The following OTUB2 variants were observed in gnomAD, a reference collection of about 807,000 sequenced individuals.
OTUB2 encodes OTU deubiquitinase, ubiquitin aldehyde binding 2, also known as ubiquitin thioesterase OTUB2.
In OTUB2, 21 loss-of-function variants were observed where a neutral mutation model predicts 25.1. The observed-to-expected ratio is 0.84, with a 90% CI of 0.59 to 1.21. The LOEUF is 1.21. Among genes scored for constraint, OTUB2 ranks in the 50% most tolerant of loss-of-function variants. The probability of loss-of-function intolerance (pLI) is 0.00; values close to 1 mark genes in which losing one functional copy is unlikely to be tolerated. For synonymous variants in OTUB2, 122 were observed against 122.8 expected (o/e 0.99, Z 0.04); for missense variants, 283 against 298.0 (o/e 0.95, Z 0.37).
chr14:94,040,023 GC>G (rs889863248), intron 3 of OTUB2, among the ~76,000 whole-genome samples: 3 of 152,008 alleles, frequency 2.0e-5, no homozygotes, highest in Non-Finnish European at 2.9e-5. Flanking sequence ...AGCATCCCTG[GC>G]CCCCTACCCG....
chr14:94,033,930 GA>G (rs1885006414), intron 1 of OTUB2, among the ~76,000 whole-genome samples: 3 of 152,302 alleles, frequency 2.0e-5, no homozygotes, highest in South Asian at 4.1e-4. Flanking sequence ...ATTTAGAATA[GA>G]CCAAAACATG....
In OTUB2 at chr14:94,039,077, T is replaced by G. The variant is rs756853522; in HGVS notation, c.214T>G (p.Phe72Val). 13 of 1,613,402 alleles carry G rather than the reference T, an allele frequency of 8.1e-6. No individual in the cohort carries two copies. The highest frequency in any genetic ancestry group is 1.7e-6 in the Non-Finnish European group (2 of 1,179,564). Residue 72 changes from phenylalanine to valine, a missense_variant, in exon 3 of 6, where the codon TTC (phenylalanine) becomes GTC (valine). Coordinates refer to ENST00000203664, the MANE Select transcript of OTUB2 (RefSeq NM_023112.4). ...ESLLGKSREI[F>V]KFKERVLQTP... ...CCTGCTGGGGAAGAGCAGGGAGATC[T>G]TCAAGTGAGTGCCGGGGCCCCTTGG...
chr14:94,045,584 T>A, intron 5 of OTUB2, 132 bp from the exon 6 acceptor site: 1 of 841,178 alleles, frequency 1.2e-6, no homozygotes, highest in South Asian at 1.7e-5. Context: ...CATACCCAAC[T>A]CATGGGATGT....
rs192379409 is a variant in OTUB2 at position 94,027,710 on chromosome 14, G to A, written c.3+1170G>A. On this transcript the variant is annotated intron_variant, in intron 1 of 5. Coordinates refer to ENST00000203664, the MANE Select transcript of OTUB2 (RefSeq NM_023112.4). ...CAGCATGCTGCCGGGCTGGGGCATG[G>A]GTCAAAGCCTGGTCATGGCCTGGCA... Among the ~76,000 whole-genome samples the A allele has an allele frequency of 7.2e-5, 11 of 152,354 alleles. No homozygotes were observed. The East Asian group carries it at 2.1e-3, about 29-fold the overall frequency.
intron 3 of OTUB2, among the ~76,000 whole-genome samples, chr14:94,042,921 G>A (rs1885191082): frequency 6.6e-6 from 1 of 152,306 alleles, no homozygotes; most frequent in South Asian, 2.1e-4. Flanking sequence ...AGGGGACTGC[G>A]GCTAGAAGCC....
chr14:94,026,532 G>C lies in OTUB2; in HGVS notation c.-6G>C. On this transcript the variant is annotated 5_prime_UTR_variant, in exon 1 of 6. Coordinates refer to ENST00000203664, the MANE Select transcript of OTUB2 (RefSeq NM_023112.4). The stretch of plus-strand genomic sequence containing the variant: ...GGCGGGACCTGGCCTGGCGGCTCTG[G>C]TCACTATGGTCAGTGATCGTGGGGG... 7.9e-7 allele frequency: 1 copy of C among 1,263,522 alleles called. No individual in the cohort carries two copies. The allele number at this position is 1,263,522 out of a possible 1,614,324, so 78.3% of individuals were successfully genotyped here.
At chr14:94,032,775 G>T (rs1261537708) in intron 1 of OTUB2, among the ~76,000 whole-genome samples, 1 of 152,184 alleles carries the variant, frequency 6.6e-6, no homozygotes, top group East Asian at 1.9e-4. Flanking sequence ...GGGCATGGGG[G>T]CATGGAGGAA....
intron 1 of OTUB2, among the ~76,000 whole-genome samples, chr14:94,031,929 G>T (rs1884969787): frequency 6.6e-6 from 1 of 152,182 alleles, no homozygotes; most frequent in African/African-American, 2.4e-5. Context: ...TAACATCCTA[G>T]AAATTTTCAG....
intron 1 of OTUB2, among the ~76,000 whole-genome samples, chr14:94,027,593 CAG>C: frequency 6.6e-6 from 1 of 152,264 alleles, no homozygotes. Context: ...CCTGTGACAA[CAG>C]AGTCCTGGAA....
chr14:94,026,419 C>A lies in OTUB2; in HGVS notation c.-119C>A. 7.8e-7 allele frequency: 1 copy of A among 1,288,912 alleles called. No individual in the cohort carries two copies. Among genetic ancestry groups the A allele is most frequent in the South Asian group, 2.3e-5 (1 of 43,528 alleles). 79.8% of individuals were successfully genotyped at this position (1,288,912 alleles called of 1,614,324 possible). A position where few individuals can be genotyped will look rare whatever the true frequency, so the allele number is the denominator to read the frequency against. On this transcript the variant is annotated 5_prime_UTR_variant, in exon 1 of 6. Transcript: ENST00000203664. ...GGTCGGGTGTATTCTCCGCCGCCCC[C>A]ACGCCCTCGAGGTCCCCGCCACCGA...
chr14:94,036,931 C>T (rs1278433031), intron 1 of OTUB2, among the ~76,000 whole-genome samples: 3 of 152,152 alleles, frequency 2.0e-5, no homozygotes, highest in Admixed American at 6.5e-5. Context: ...GACGTCCTTC[C>T]TTCTGTATTT....
At chr14:94,040,056 C>T (rs1201374140) in intron 3 of OTUB2, among the ~76,000 whole-genome samples, 1 of 152,148 alleles carries the variant, frequency 6.6e-6, no homozygotes, top group Non-Finnish European at 1.5e-5. Flanking sequence ...TAGTAACCCC[C>T]TCCCCAAGTC....
intron 3 of OTUB2, among the ~76,000 whole-genome samples, chr14:94,040,621 G>A (rs1311039025): frequency 6.6e-6 from 1 of 152,166 alleles, no homozygotes; most frequent in African/African-American, 2.4e-5. Flanking sequence ...CACGTGCTCT[G>A]TTTACCTTCA....
At chr14:94,027,956 G>A (rs1884894318) in intron 1 of OTUB2, among the ~76,000 whole-genome samples, 1 of 152,230 alleles carries the variant, frequency 6.6e-6, no homozygotes, top group Non-Finnish European at 1.5e-5. Flanking sequence ...CTGGGGTAAT[G>A]ATGGGCTTAG....
At chr14:94,041,838 C>T (rs1283058880) in intron 3 of OTUB2, among the ~76,000 whole-genome samples, 2 of 152,258 alleles carry the variant, frequency 1.3e-5, no homozygotes, top group African/African-American at 4.8e-5. Context: ...GGCTGCTTCA[C>T]TCACTCCTCT....
chr14:94,041,430 A>AT (rs1392090076), intron 3 of OTUB2, among the ~76,000 whole-genome samples: 1 of 151,932 alleles, frequency 6.6e-6, no homozygotes, highest in Non-Finnish European at 1.5e-5. Context: ...GACCACCAGC[A>AT]TTTTTTCTTT....
In OTUB2 at chr14:94,045,981, C is replaced by T. The variant is rs1885269008; in HGVS notation, c.*59C>T. 6.5e-7 allele frequency: 1 copy of T among 1,550,270 alleles called. No individual in the cohort carries two copies. Among genetic ancestry groups the T allele is most frequent in the Admixed American group, 1.7e-5 (1 of 57,976 alleles). ...TAATGGGACTGCATTCTGAATGGAACATTCCGGCTCTTCAATTTTTTAAGC... is the reference window on the plus strand; with the variant it reads ...TAATGGGACTGCATTCTGAATGGAATATTCCGGCTCTTCAATTTTTTAAGC... On this transcript the variant is annotated 3_prime_UTR_variant, in exon 6 of 6. Transcript: ENST00000203664.
At chr14:94,032,368 T>C (rs1884980220) in intron 1 of OTUB2, among the ~76,000 whole-genome samples, 1 of 152,148 alleles carries the variant, frequency 6.6e-6, no homozygotes, top group African/African-American at 2.4e-5. Flanking sequence ...AAACTTAAAA[T>C]GCATGCATAC....
intron 3 of OTUB2, among the ~76,000 whole-genome samples, chr14:94,043,074 G>A (rs908068392): frequency 3.3e-5 from 5 of 152,184 alleles, no homozygotes; most frequent in African/African-American, 1.2e-4. Flanking sequence ...TCTGAGTTAG[G>A]AGACCAGCTT....
Sources: allele counts gnomAD v4.1 joint callset (sites outside exome capture counted in the v4.1 genomes callset), GRCh38; gene constraint gnomAD v4.1.1; transcripts MANE v1.5; gene names NCBI Gene and HGNC (gene_info 2026-07-23, HGNC 2026-07-21).